The following RTEL1 variants were observed in gnomAD, a reference collection of about 807,000 sequenced individuals.
The protein encoded by RTEL1 is regulator of telomere elongation helicase 1, also known as regulator of telomere length.
Under a neutral mutation model 162.2 loss-of-function variants are expected in RTEL1, and 86 were observed. That is an observed-to-expected ratio of 0.53 (90% confidence interval 0.45 to 0.63). The LOEUF is 0.63. Ranked by LOEUF, RTEL1 falls within the 30% of genes least tolerant of loss-of-function variation. The pLI is 0.00. For missense variants in RTEL1, 1,941 were observed against 1,750.2 expected, an observed-to-expected ratio of 1.11 and a Z score of -1.95; for synonymous variants, 958 against 717.9, an observed-to-expected ratio of 1.33 and a Z score of -5.35.
chr20:63,672,714 C>A (rs2090269546), intron 9 of RTEL1, 93 bp downstream of exon 9: 1 of 1,057,868 alleles, frequency 9.5e-7, no homozygotes, highest in Non-Finnish European at 1.4e-6. Flanking sequence ...TCTGGCCAAA[C>A]TCCTGAAGCC....
At position 63,680,654 on chromosome 20, in the gene RTEL1, T is replaced by C. The variant is rs1430364226; in HGVS notation, c.1136-10T>C. The C allele has an allele frequency of 6.2e-7, 1 of 1,612,972 alleles. No homozygotes were observed. The highest frequency in any genetic ancestry group is 2.2e-5 in the East Asian group (1 of 44,876). On this transcript the variant is annotated splice_polypyrimidine_tract_variant and intron_variant, in intron 13 of 34. Coordinates refer to ENST00000360203, the MANE Select transcript of RTEL1 (RefSeq NM_001283009.2). ...TGCAGTGTGGGTGTCAGCGCCCTGC[T>C]GCCCTCCAGGTGCTGGAGTGTTCAC...
Position 63,694,437 on chromosome 20 carries a change from G to A in RTEL1, c.3058G>A (p.Glu1020Lys), listed in dbSNP as rs771746222. The A allele has an allele frequency of 3.1e-6, 5 of 1,612,126 alleles. No homozygotes were observed. The African/African-American group carries it at 4.0e-5, about 13-fold the overall frequency. Reference protein sequence around the residue: ...TAAAQQLDPQEHLNQGRPHLS... With the variant: ...TAAAQQLDPQKHLNQGRPHLS... ...TGCAGCCCAGCAGCTGGACCCCCAA[G>A]AGCACCTGAACCAGGGCAGGCCCCA... The change falls in exon 31 of 35, where the codon GAG (glutamate) becomes AAG (lysine). Residue 1020 changes from glutamate (E) to lysine (K), a missense_variant. By Grantham distance (56) the Glu-to-Lys change is moderately conservative. Coordinates refer to ENST00000360203, the MANE Select transcript of RTEL1 (RefSeq NM_001283009.2).
intron 10 of RTEL1, among the ~76,000 whole-genome samples, chr20:63,676,908 C>CTAAG (rs1232666220): frequency 9.0e-6 from 1 of 111,674 alleles, no homozygotes; most frequent in Non-Finnish European, 1.9e-5. Context: ...GCACTCCAGC[C>CTAAG]TGGCGACAGA....
intron 14 of RTEL1, chr20:63,681,633 C>T (rs1328127618): frequency 6.7e-5 from 66 of 985,224 alleles, no homozygotes; most frequent in Non-Finnish European, 7.5e-5. Context: ...CTGCAGATCC[C>T]GGAACAAGCA....
intron 10 of RTEL1, among the ~76,000 whole-genome samples, chr20:63,676,251 G>C (rs975661709): frequency 1.3e-5 from 2 of 152,062 alleles, no homozygotes; most frequent in African/African-American, 4.8e-5. Context: ...TGCTTGGCAG[G>C]GTCCATTCTT....
intron 14 of RTEL1, chr20:63,682,005 G>A (rs2090486193): frequency 1.0e-6 from 1 of 985,430 alleles, no homozygotes; most frequent in Non-Finnish European, 1.2e-6. Context: ...GTCCCTGATG[G>A]GTCACTGCAA....
At chr20:63,684,637 C>T (rs956705682) in intron 14 of RTEL1, among the ~76,000 whole-genome samples, 4 of 152,030 alleles carry the variant, frequency 2.6e-5, no homozygotes, top group African/African-American at 9.7e-5. Context: ...GCCACCGTGC[C>T]CAGCCTGATA....
In RTEL1 at chr20:63,690,209, C is replaced by T. The variant is rs1264234705; in HGVS notation, c.2264C>T (p.Thr755Ile). The T allele has an allele frequency of 6.2e-7, 1 of 1,612,156 alleles. No individual in the cohort carries two copies. Among genetic ancestry groups the T allele is most frequent in the Admixed American group, 1.7e-5 (1 of 60,000 alleles). Residue 755 changes from threonine (T) to isoleucine (I), a missense_variant and splice_region_variant, in exon 25 of 35, where the codon ACT (threonine) becomes ATT (isoleucine). Thr to Ile is a moderately conservative substitution (Grantham distance 89). Coordinates refer to ENST00000360203, the MANE Select transcript of RTEL1 (RefSeq NM_001283009.2). Reference protein sequence around the residue: ...VAQFFRVAERTMPAPAPRATA... With the variant: ...VAQFFRVAERIMPAPAPRATA... The stretch of plus-strand genomic sequence containing the variant: ...CAGTTCTTCCGTGTTGCCGAGCGAA[C>T]TGTGAGTTCCTGCCCAGGGAGGGGA...
intron 29 of RTEL1, 28 bp downstream of exon 29, chr20:63,693,031 C>G (rs377381698): frequency 2.5e-6 from 4 of 1,611,272 alleles, no homozygotes; most frequent in Non-Finnish European, 3.4e-6. Flanking sequence ...GGCCACCCAC[C>G]CTGAGGGCAG....
In RTEL1 at chr20:63,681,020, G is replaced by A. The variant is rs1176405325; in HGVS notation, c.1191+301G>A. ...TGCCCTGTCCGGGCCCTCAGGCCAGGGGGGACCCACTGCTGGCAGCCCCAG... is the reference window on the plus strand; with the variant it reads ...TGCCCTGTCCGGGCCCTCAGGCCAGAGGGGACCCACTGCTGGCAGCCCCAG... On this transcript the variant is annotated intron_variant, in intron 14 of 34. Transcript: ENST00000360203. 6.1e-6 allele frequency: 6 copies of A among 985,290 alleles called. No individual in the cohort carries two copies. The African/African-American group carries it at 8.7e-5, about 14-fold the overall frequency. 61.0% of individuals were successfully genotyped at this position (985,290 alleles called of 1,614,324 possible). A position where few individuals can be genotyped will look rare whatever the true frequency, so the allele number is the denominator to read the frequency against.
Position 63,694,929 on chromosome 20 carries a change from G to T in RTEL1, c.3298G>T (p.Ala1100Ser). 1.2e-6 allele frequency: 2 copies of T among 1,612,584 alleles called. No individual in the cohort carries two copies. The highest frequency in any genetic ancestry group is 1.7e-6 in the Non-Finnish European group (2 of 1,179,870). ...CCTCGACAAGGTGCTGGCTGTGTTG[G>T]CCGCCCTGACCACTGCAAAGCCAGA... ...DDLDKVLAVL[A>S]ALTTAKPEDF... is the part of the protein sequence containing the mutation. Residue 1100 changes from alanine (A) to serine (S), a missense_variant, in exon 32 of 35, where the codon GCC (alanine) becomes TCC (serine). Ala to Ser is a moderately conservative substitution (Grantham distance 99, BLOSUM62 1). Transcript: ENST00000360203.
rs1355089496 is a variant in RTEL1, at chr20:63,692,993, C to T, written c.2841C>T (p.Asn947=). The change falls in exon 29 of 35, where the codon AAC becomes AAT. Residue 947 remains asparagine (N), a synonymous_variant. Transcript: ENST00000360203. Reference sequence around the variant, plus strand: ...TTGCTGAGGACCCCAAGAAGCACAACCTGCTCCAAGGTGCCCTGGCTTGCA... The same window carrying T: ...TTGCTGAGGACCCCAAGAAGCACAATCTGCTCCAAGGTGCCCTGGCTTGCA... ...PLFAEDPKKH[N]LLQGFYQFVR... is the part of the protein sequence containing the mutation. 6.2e-7 allele frequency: 1 copy of T among 1,612,586 alleles called. No homozygotes were observed. The highest frequency in any genetic ancestry group is 8.5e-7 in the Non-Finnish European group (1 of 1,179,818).
intron 34 of RTEL1, 30 bp downstream of exon 34, chr20:63,695,680 G>A (rs2090962113): frequency 2.5e-6 from 4 of 1,610,460 alleles, no homozygotes; most frequent in African/African-American, 1.3e-5. Context: ...AGTTCCTGCT[G>A]GGTGTAGCCC....
Position 63,668,581 on chromosome 20 carries a change from G to A in RTEL1, c.699+1028G>A, listed in dbSNP as rs559322552. Among the ~76,000 whole-genome samples the A allele has an allele frequency of 2.6e-5, 4 of 152,300 alleles. No individual in the cohort carries two copies. In the East Asian group the frequency reaches 5.8e-4, roughly 22 times the overall value. On this transcript the variant is annotated intron_variant, in intron 8 of 34. Coordinates refer to ENST00000360203, the MANE Select transcript of RTEL1 (RefSeq NM_001283009.2). This position sits in a 1 kb window ranked among gnomAD's most constrained non-coding sequence, Gnocchi z 4.3. ...TCTGAGGGGAGCCTCAGCAGGTGCAGCAGAGCAAGGGAAGAGGTGAGTGGG... is the reference window on the plus strand; with the variant it reads ...TCTGAGGGGAGCCTCAGCAGGTGCAACAGAGCAAGGGAAGAGGTGAGTGGG...
chr20:63,677,013 C>T (rs1343737576), intron 10 of RTEL1, among the ~76,000 whole-genome samples: 1 of 152,124 alleles, frequency 6.6e-6, no homozygotes. Flanking sequence ...CATGCTCCCT[C>T]CTGAATCTCA....
At chr20:63,672,124 C>T (rs977194894) in intron 8 of RTEL1, among the ~76,000 whole-genome samples, 10 of 151,930 alleles carry the variant, frequency 6.6e-5, no homozygotes, top group African/African-American at 2.2e-4. Flanking sequence ...CCTCGTGATC[C>T]GCCCGCCTCG....
Position 63,694,733 on chromosome 20 carries a change from C to A in RTEL1, c.3110-8C>A, listed in dbSNP as rs1191272350. On this transcript the variant is annotated splice_region_variant and splice_polypyrimidine_tract_variant and intron_variant, in intron 31 of 34. Transcript: ENST00000360203. ...GCGCCACTCTGAGCCATGCTACTCC[C>A]ACACCAGGAGACCCTGGCAGCCAAC... 3.1e-6 allele frequency: 5 copies of A among 1,593,654 alleles called. No individual in the cohort carries two copies. Among genetic ancestry groups the A allele is most frequent in the Non-Finnish European group, 4.3e-6 (5 of 1,169,684 alleles).
intron 30 of RTEL1, among the ~76,000 whole-genome samples, chr20:63,694,014 T>C (rs570211022): frequency 6.6e-6 from 1 of 151,862 alleles, no homozygotes; most frequent in South Asian, 2.1e-4. Context: ...TGTTCGTGTG[T>C]TAATGAACAG....
At chr20:63,689,020 G>GT (rs773923676) in intron 21 of RTEL1, 35 bp from the exon 22 acceptor site, 36 of 1,578,666 alleles carry the variant, frequency 2.3e-5, no homozygotes, top group Non-Finnish European at 3.1e-5. Context: ...GCTGGGGGGG[G>GT]GCTCCAGGCT....
Sources: gnomAD v4.1 joint callset for allele counts (sites outside exome capture counted in the v4.1 genomes callset) on GRCh38, gnomAD v4.1.1 for gene constraint, Gnocchi (gnomAD v3.1) non-coding constraint, MANE v1.5 for transcripts, NCBI Gene and HGNC (gene_info 2026-07-23, HGNC 2026-07-21) for gene names.